Variants in AAGAB observed in about 807,000 individuals in gnomAD.
The protein encoded by AAGAB is alpha- and gamma-adaptin-binding protein p34.
AAGAB carries 38 observed loss-of-function variants against 44.1 expected under a neutral mutation model. The observed-to-expected ratio is 0.86, with a 90% CI of 0.67 to 1.13. AAGAB has a LOEUF of 1.13. Ranked by LOEUF, AAGAB falls within the 50% of genes most tolerant of loss-of-function variation. The pLI, the probability that AAGAB is intolerant of heterozygous loss-of-function variation, is 0.00. For missense variants in AAGAB, 450 were observed against 373.8 expected (o/e 1.20, Z -1.68); for synonymous variants, 131 against 131.8 (o/e 0.99, Z 0.04).
chr15:67,223,935 CA>C (rs1047322131), intron 5 of AAGAB, among the ~76,000 whole-genome samples: 54 of 152,206 alleles, frequency 3.5e-4, no homozygotes, highest in Non-Finnish European at 4.4e-4. Flanking sequence ...CAGATATCCA[CA>C]TGGTGAAACA....
intron 1 of AAGAB, among the ~76,000 whole-genome samples, chr15:67,240,739 GT>G (rs1431499309): frequency 2.6e-5 from 4 of 152,034 alleles, no homozygotes; most frequent in Non-Finnish European, 4.4e-5. Context: ...ATCTCATATG[GT>G]AAGTTACAGG....
chr15:67,204,803 T>C (rs1174421988), intron 7 of AAGAB, among the ~76,000 whole-genome samples: 1 of 152,216 alleles, frequency 6.6e-6, no homozygotes, highest in Non-Finnish European at 1.5e-5. Flanking sequence ...CCTTCTCCAC[T>C]CCAGGCCCAC....
At chr15:67,254,959 G>A, upstream of AAGAB, 1 of 1,611,686 alleles carries the variant, frequency 6.2e-7, no homozygotes, top group Non-Finnish European at 8.5e-7. Flanking sequence ...TGGGAAACGG[G>A]CTTCCCCCGG....
chr15:67,246,450 A>G (rs963596115), intron 1 of AAGAB, among the ~76,000 whole-genome samples: 1 of 152,154 alleles, frequency 6.6e-6, no homozygotes, highest in South Asian at 2.1e-4. Context: ...ATCTTAATCT[A>G]TATCAATATT....
chr15:67,218,075 T>C (rs1256426011), intron 5 of AAGAB, among the ~76,000 whole-genome samples: 1 of 152,218 alleles, frequency 6.6e-6, no homozygotes, highest in African/African-American at 2.4e-5. Flanking sequence ...TGAACTATAA[T>C]AGATAGATTG....
chr15:67,206,907 C>T (rs780254915), intron 7 of AAGAB, among the ~76,000 whole-genome samples: 2 of 152,148 alleles, frequency 1.3e-5, no homozygotes, highest in African/African-American at 2.4e-5. Context: ...TCTGGCCAGG[C>T]GCAGTGGCTC....
At chr15:67,240,305 C>G (rs1596010434) in intron 1 of AAGAB, among the ~76,000 whole-genome samples, 2 of 152,030 alleles carry the variant, frequency 1.3e-5, no homozygotes, top group East Asian at 1.9e-4. Flanking sequence ...CTAGAAAAAC[C>G]TGCAGTGGGC....
intron 5 of AAGAB, among the ~76,000 whole-genome samples, chr15:67,216,423 C>CAGAGCA (rs1595986795): frequency 9.8e-6 from 1 of 101,938 alleles, no homozygotes; most frequent in East Asian, 3.4e-4. Context: ...GCCTGGGTGA[C>CAGAGCA]AGAGCAAGAC....
rs528370282 is a variant in AAGAB at position 67,204,970 on chromosome 15, A to G, written c.716-822T>C. Among the ~76,000 whole-genome samples, 11 of 152,358 alleles carry G rather than the reference A, an allele frequency of 7.2e-5. No homozygotes were observed. In the South Asian group the frequency reaches 1.9e-3, roughly 26 times the overall value. On this transcript the variant is annotated intron_variant, in intron 7 of 9. Coordinates refer to ENST00000261880, the MANE Select transcript of AAGAB (RefSeq NM_024666.5). ...CACTACTTTAATAAGTACTACTACCATAAGAGAGAATTTGCTTTGGATCTG... is the reference window on the plus strand; with the variant it reads ...CACTACTTTAATAAGTACTACTACCGTAAGAGAGAATTTGCTTTGGATCTG...
intron 5 of AAGAB, among the ~76,000 whole-genome samples, chr15:67,222,242 G>GCGCACACACACACA (rs1367738219): frequency 0.011 from 1,028 of 90,048 alleles, 3 homozygotes; most frequent in Non-Finnish European, 0.013. Context: ...GCGCGCGCGC[G>GCGCACACACACACA]CACACACACA....
chr15:67,238,851 A>T (rs928462580), intron 1 of AAGAB, among the ~76,000 whole-genome samples: 3 of 152,118 alleles, frequency 2.0e-5, no homozygotes, highest in South Asian at 2.1e-4. Flanking sequence ...ACCCGCCACC[A>T]TGCCCAGCTA....
chr15:67,233,260 T>C (rs774232242), intron 4 of AAGAB, among the ~76,000 whole-genome samples: 2 of 152,240 alleles, frequency 1.3e-5, no homozygotes, highest in African/African-American at 2.4e-5. Context: ...TGACTAGAAG[T>C]GTAAGAGACA....
intron 4 of AAGAB, among the ~76,000 whole-genome samples, chr15:67,233,198 C>T (rs1488284997): frequency 6.6e-6 from 1 of 152,066 alleles, no homozygotes; most frequent in Non-Finnish European, 1.5e-5. Context: ...TTGATCGATA[C>T]CTATAGAAGA....
chr15:67,242,845 A>G (rs965892022), intron 1 of AAGAB: 1 of 152,192 alleles, frequency 6.6e-6, no homozygotes, highest in Non-Finnish European at 1.5e-5. Context: ...AGTAGCATAG[A>G]CTTGCTGAGG....
chr15:67,254,229 A>G, intron 1 of AAGAB: 1 of 327,956 alleles, frequency 3.0e-6, no homozygotes, highest in Non-Finnish European at 5.5e-6. Context: ...AGCACCTTAC[A>G]CTCCTGTAAC....
intron 5 of AAGAB, among the ~76,000 whole-genome samples, chr15:67,220,326 T>A (rs961047575): frequency 6.6e-6 from 1 of 152,250 alleles, no homozygotes; most frequent in African/African-American, 2.4e-5. Flanking sequence ...AATGAACTCA[T>A]CTGGCTTGGC....
chr15:67,222,282 A>ACACACCCC (rs796412643), intron 5 of AAGAB, among the ~76,000 whole-genome samples: 2 of 139,850 alleles, frequency 1.4e-5, no homozygotes, highest in African/African-American at 2.6e-5. Context: ...ACACACACAC[A>ACACACCCC]CCCTCCACCC....
In AAGAB at chr15:67,202,492, C is replaced by G. The variant is rs1963589803; in HGVS notation, c.*329G>C. On this transcript the variant is annotated 3_prime_UTR_variant, in exon 10 of 10. Transcript: ENST00000261880. ...TGGAAATGCTACTTAAAAGGTTGACCAGGAATGGCCTGGAGGTTGTCTTCA... is the reference window on the plus strand; with the variant it reads ...TGGAAATGCTACTTAAAAGGTTGACGAGGAATGGCCTGGAGGTTGTCTTCA... The G allele has an allele frequency of 4.0e-6, 1 of 248,620 alleles. No individual in the cohort carries two copies. Among genetic ancestry groups the G allele is most frequent in the South Asian group, 1.0e-4 (1 of 9,696 alleles). 15.4% of individuals were successfully genotyped at this position (248,620 alleles called of 1,614,324 possible).
chr15:67,242,215 A>T (rs1964616649), intron 1 of AAGAB, among the ~76,000 whole-genome samples: 1 of 95,170 alleles, frequency 1.1e-5, no homozygotes, highest in African/African-American at 3.0e-5. Flanking sequence ...TGAGGTCAGG[A>T]GATCGAGACC....
Sources: gnomAD v4.1 joint callset for allele counts (sites outside exome capture counted in the v4.1 genomes callset) on GRCh38, gnomAD v4.1.1 for gene constraint, MANE v1.5 for transcripts, NCBI Gene and HGNC (gene_info 2026-07-23, HGNC 2026-07-21) for gene names.